Variants in KIAA1549L observed in about 807,000 individuals in gnomAD.
KIAA1549L encodes the protein UPF0606 protein KIAA1549L.
KIAA1549L carries 88 observed loss-of-function variants against 160.7 expected under a neutral mutation model. The observed-to-expected ratio is 0.55, with a 90% CI of 0.46 to 0.65. KIAA1549L has a LOEUF of 0.65. Ranked by LOEUF, KIAA1549L falls within the 30% of genes least tolerant of loss-of-function variation. KIAA1549L has a pLI of 0.00. For missense variants in KIAA1549L, 2,258 were observed against 2,437.5 expected, an observed-to-expected ratio of 0.93 and a Z score of 1.55; for synonymous variants, 950 against 976.7, an observed-to-expected ratio of 0.97 and a Z score of 0.51.
chr11:33,593,773 A>G (rs890203278), intron 12 of KIAA1549L, among the ~76,000 whole-genome samples: 3 of 152,146 alleles, frequency 2.0e-5, no homozygotes, highest in Non-Finnish European at 4.4e-5. Context: ...TACATTTGAG[A>G]TGCCTGTTAG....
chr11:33,539,808 C>G (rs949800465), intron 1 of KIAA1549L, among the ~76,000 whole-genome samples: 3 of 152,194 alleles, frequency 2.0e-5, no homozygotes, highest in Non-Finnish European at 4.4e-5. Flanking sequence ...ACAGAAGTAT[C>G]CAAGACGTTC....
rs1565176671 is a variant in KIAA1549L, at chr11:33,543,522, A to G, written c.1959A>G (p.Ala653=). The G allele has an allele frequency of 3.1e-6, 5 of 1,614,036 alleles. No individual in the cohort carries two copies. Among genetic ancestry groups the G allele is most frequent in the Non-Finnish European group, 4.2e-6 (5 of 1,179,886 alleles). Residue 653 remains alanine, a synonymous_variant, in exon 2 of 21, where the codon GCA becomes GCG. Coordinates refer to ENST00000658780, the MANE Select transcript of KIAA1549L (RefSeq NM_012194.3). ...CCAGCACCAAGCCAGAGGCTTATGC[A>G]GCTGCTGTGGACCATTCTGGGTTGC... The part of the protein sequence containing the change: ...GFSSTKPEAY[A]AAVDHSGLPA...
intron 1 of KIAA1549L, among the ~76,000 whole-genome samples, chr11:33,521,825 C>T (rs1853500888): frequency 6.6e-6 from 1 of 152,162 alleles, no homozygotes; most frequent in Non-Finnish European, 1.5e-5. Flanking sequence ...TTGCTAATCA[C>T]AGATTGGTCT....
intron 1 of KIAA1549L, among the ~76,000 whole-genome samples, chr11:33,426,562 C>G (rs910362052): frequency 6.6e-6 from 1 of 152,170 alleles, no homozygotes; most frequent in African/African-American, 2.4e-5. Context: ...CATCTTTCAC[C>G]TGGTCACCTG....
At chr11:33,405,490 T>C (rs1019574267) in intron 1 of KIAA1549L, among the ~76,000 whole-genome samples, 1 of 148,864 alleles carries the variant, frequency 6.7e-6, no homozygotes, top group Non-Finnish European at 1.5e-5. Flanking sequence ...TAGTAATGTC[T>C]TTTATGTTAT....
intron 1 of KIAA1549L, among the ~76,000 whole-genome samples, chr11:33,455,145 A>C (rs1169111772): frequency 6.6e-6 from 1 of 152,192 alleles, no homozygotes; most frequent in Non-Finnish European, 1.5e-5. Context: ...CGTTTAGCAA[A>C]ACAAAGGTTT....
At chr11:33,525,270 T>C (rs1319454392) in intron 1 of KIAA1549L, among the ~76,000 whole-genome samples, 1 of 152,130 alleles carries the variant, frequency 6.6e-6, no homozygotes, top group Non-Finnish European at 1.5e-5. Context: ...GGGGGAAAAG[T>C]TGGTCTCTGA....
intron 1 of KIAA1549L, among the ~76,000 whole-genome samples, chr11:33,467,425 T>C (rs1248828622): frequency 6.6e-6 from 1 of 152,174 alleles, no homozygotes. Context: ...AGAGTGACCA[T>C]TGGGCAGATG....
chr11:33,489,894 C>G (rs1161264510), intron 1 of KIAA1549L, among the ~76,000 whole-genome samples: 1 of 152,144 alleles, frequency 6.6e-6, no homozygotes, highest in East Asian at 1.9e-4. Context: ...GTTATTGATT[C>G]TTGTTATATG....
Position 33,441,189 on chromosome 11 carries a change from C to A in KIAA1549L, c.238+64300C>A, listed in dbSNP as rs113450266. On this transcript the variant is annotated intron_variant, in intron 1 of 20. Transcript: ENST00000658780. ...TGCGGTGCTTGGTTTTTTGTCCTTG[C>A]GATAGTTTGCTGAGAATGATGGTTT... Among the ~76,000 whole-genome samples the A allele has an allele frequency of 3.4e-3, 509 of 151,374 alleles. 2 individuals carry two copies. Among genetic ancestry groups the A allele is most frequent in the African/African-American group, 0.011 (469 of 41,254 alleles).
chr11:33,486,391 A>T (rs1414232147), intron 1 of KIAA1549L, among the ~76,000 whole-genome samples: 1 of 152,212 alleles, frequency 6.6e-6, no homozygotes, highest in Admixed American at 6.5e-5. Context: ...TTTGGATCAT[A>T]CATTGCTTGG....
intron 10 of KIAA1549L, among the ~76,000 whole-genome samples, chr11:33,582,802 C>T (rs1855685253): frequency 6.6e-6 from 1 of 152,198 alleles, no homozygotes; most frequent in Admixed American, 6.5e-5. Flanking sequence ...TTTGACTAGA[C>T]CGAGGCATTT....
intron 11 of KIAA1549L, 49 bp from the exon 12 acceptor site, chr11:33,591,188 A>G: frequency 7.2e-7 from 1 of 1,389,048 alleles, no homozygotes; most frequent in South Asian, 1.2e-5. Flanking sequence ...CCATGGTTAG[A>G]GTCACACTTC....
intron 13 of KIAA1549L, among the ~76,000 whole-genome samples, chr11:33,605,287 CA>C (rs1850472307): frequency 2.0e-5 from 3 of 152,042 alleles, no homozygotes; most frequent in South Asian, 4.2e-4. Context: ...GTATGAATAT[CA>C]GGGGGTGAGA....
chr11:33,500,930 A>C (rs550315687), intron 1 of KIAA1549L, among the ~76,000 whole-genome samples: 3 of 152,132 alleles, frequency 2.0e-5, no homozygotes, highest in African/African-American at 7.2e-5. Flanking sequence ...TGTTATACCA[A>C]TTGCATTGTG....
At chr11:33,629,098 A>C (rs960424502) in intron 16 of KIAA1549L, among the ~76,000 whole-genome samples, 2 of 152,040 alleles carry the variant, frequency 1.3e-5, no homozygotes, top group Non-Finnish European at 1.5e-5. Flanking sequence ...TTCTTTAAGA[A>C]TGTTGAATTT....
rs1474500126 is a variant in KIAA1549L at position 33,598,873 on chromosome 11, G to A, written c.4805G>A (p.Ser1602Asn). 1 of 1,613,928 alleles carries A rather than the reference G, an allele frequency of 6.2e-7. No individual in the cohort carries two copies. Among genetic ancestry groups the A allele is most frequent in the East Asian group, 2.2e-5 (1 of 44,880 alleles). The change falls in exon 13 of 21, where the codon AGC becomes AAC. Residue 1602 changes from serine to asparagine, a missense_variant. Ser to Asn is a conservative substitution (Grantham distance 46, BLOSUM62 1). Around this residue, in one of 6 missense-constraint regions of KIAA1549L, gnomAD observed 1,359 missense variants for 1,546.6 expected, o/e 0.88. Transcript: ENST00000658780. ...ATCAGCAACGAATCAGGGAAGCCCAGCTCAGGGAGACGCTCACCCCAGAAT... is the reference window on the plus strand; with the variant it reads ...ATCAGCAACGAATCAGGGAAGCCCAACTCAGGGAGACGCTCACCCCAGAAT... ...SVISNESGKPSSGRRSPQNVM... is the reference protein window; with the variant it reads ...SVISNESGKPNSGRRSPQNVM...
chr11:33,578,150 T>C (rs1855516277), intron 10 of KIAA1549L, among the ~76,000 whole-genome samples: 2 of 152,102 alleles, frequency 1.3e-5, no homozygotes, highest in Admixed American at 1.3e-4. Flanking sequence ...GCTAAGGGAC[T>C]TTGCTGGTGG....
intron 1 of KIAA1549L, among the ~76,000 whole-genome samples, chr11:33,419,909 T>C (rs560051808): frequency 0.02 from 942 of 47,924 alleles, 5 homozygotes; most frequent in East Asian, 0.035. Context: ...TACATACATA[T>C]ATATATATGA....
Sources: gnomAD v4.1 joint callset for allele counts (sites outside exome capture counted in the v4.1 genomes callset) on GRCh38, gnomAD v4.1.1 for gene constraint, gnomAD v4.1.1 regional missense constraint, MANE v1.5 for transcripts, NCBI Gene and HGNC (gene_info 2026-07-23, HGNC 2026-07-21) for gene names.